SERINC5: variants seen among roughly 807,000 people sequenced by gnomAD.
The protein encoded by SERINC5 is chromosome 5 open reading frame 12.
Under a neutral mutation model 63.1 loss-of-function variants are expected in SERINC5, and 41 were observed. The ratio of observed to expected loss-of-function variants is 0.65; its 90% CI spans 0.51 to 0.84. The LOEUF (loss-of-function observed/expected upper bound fraction) is 0.84, where lower values mean the gene tolerates loss of function less well. Among genes scored for constraint, SERINC5 ranks in the 40% least tolerant of loss-of-function variants. The probability of loss-of-function intolerance (pLI) is 0.00; values close to 1 mark genes in which losing one functional copy is unlikely to be tolerated. For synonymous variants in SERINC5, 222 were observed against 215.2 expected (o/e 1.03, Z -0.28); for missense variants, 523 against 573.0 (o/e 0.91, Z 0.89).
rs75515134 is a variant in SERINC5 at position 80,151,089 on chromosome 5, T to C, written c.987-141A>G. On this transcript the variant is annotated intron_variant, in intron 8 of 11. Transcript: ENST00000507668. ...AGGAGACTTAAATCAAAGCAATCTA[T>C]TTTAATACCTCTCCTTATTCCAAAA... 9.9e-3 allele frequency: 6,591 copies of C among 668,960 alleles called. 55 individuals carry two copies. The highest frequency in any genetic ancestry group is 0.013 in the Non-Finnish European group (4,780 of 369,230). 41.4% of individuals were successfully genotyped at this position (668,960 alleles called of 1,614,324 possible). A position where few individuals can be genotyped will look rare whatever the true frequency, so the allele number is the denominator to read the frequency against.
chr5:80,152,324 A>T (rs1318417639), intron 8 of SERINC5, among the ~76,000 whole-genome samples: 3 of 152,032 alleles, frequency 2.0e-5, no homozygotes. Flanking sequence ...AACTTGGCAA[A>T]ACCCTGTCGC....
intron 1 of SERINC5, among the ~76,000 whole-genome samples, chr5:80,218,344 G>C (rs914495865): frequency 2.0e-5 from 3 of 152,078 alleles, no homozygotes; most frequent in Admixed American, 1.3e-4. Flanking sequence ...AGTTCTAGAC[G>C]AGCCTGACCA....
chr5:80,192,708 C>T (rs1749264093), intron 2 of SERINC5, among the ~76,000 whole-genome samples: 1 of 152,184 alleles, frequency 6.6e-6, no homozygotes, highest in African/African-American at 2.4e-5. Context: ...GAGACTGTCT[C>T]GCTGAAATTT....
chr5:80,123,609 G>C (rs1157308241), intron 11 of SERINC5, among the ~76,000 whole-genome samples: 1 of 152,202 alleles, frequency 6.6e-6, no homozygotes, highest in African/African-American at 2.4e-5. Flanking sequence ...TCTTTGAACA[G>C]AGATGATCCA....
In SERINC5 at chr5:80,141,170, C is replaced by G; in HGVS notation, c.*2493G>C. 1.0e-6 allele frequency: 1 copy of G among 985,376 alleles called. No homozygotes were observed. Among genetic ancestry groups the G allele is most frequent in the Non-Finnish European group, 1.2e-6 (1 of 829,894 alleles). 61.0% of individuals were successfully genotyped at this position (985,376 alleles called of 1,614,324 possible). On this transcript the variant is annotated 3_prime_UTR_variant, in exon 12 of 12. Transcript: ENST00000507668. ...ATACATCCACATCTGTTTTGTTCAT[C>G]CAGATACACGTGCTAACATTTTCAG...
chr5:80,223,503 G>A lies in SERINC5; in HGVS notation c.28-20450C>T, dbSNP rs952736110. Among the ~76,000 whole-genome samples the A allele has an allele frequency of 7.9e-5, 12 of 152,148 alleles. No individual in the cohort carries two copies. In the East Asian group the frequency reaches 2.3e-3, roughly 29 times the overall value. On this transcript the variant is annotated intron_variant, in intron 1 of 11. Coordinates refer to ENST00000507668, the MANE Select transcript of SERINC5 (RefSeq NM_001174072.3). ...GACACAGAATCCACGGATACAGAGGGCTGACTATATATATCATCATATTCT... is the reference window on the plus strand; with the variant it reads ...GACACAGAATCCACGGATACAGAGGACTGACTATATATATCATCATATTCT...
At chr5:80,195,931 G>A (rs536543989) in intron 2 of SERINC5, among the ~76,000 whole-genome samples, 7 of 152,258 alleles carry the variant, frequency 4.6e-5, no homozygotes, top group Admixed American at 1.3e-4. Context: ...CCTAACTAAC[G>A]GGCTAAGTTA....
At chr5:80,210,565 A>C (rs920472967) in intron 1 of SERINC5, among the ~76,000 whole-genome samples, 1 of 152,246 alleles carries the variant, frequency 6.6e-6, no homozygotes, top group African/African-American at 2.4e-5. Context: ...CAATACCTTC[A>C]TTACCTAGAA....
intron 1 of SERINC5, among the ~76,000 whole-genome samples, chr5:80,226,268 G>T (rs530205176): frequency 2.5e-4 from 38 of 152,196 alleles, no homozygotes; most frequent in African/African-American, 9.2e-4. Flanking sequence ...CATGTTACAG[G>T]CATGAGCCAC....
At chr5:80,206,995 C>CTATATATA (rs148319224) in intron 1 of SERINC5, among the ~76,000 whole-genome samples, 1 of 148,338 alleles carries the variant, frequency 6.7e-6, no homozygotes, top group African/African-American at 2.5e-5. Context: ...TAACTTCTCA[C>CTATATATA]TATATATATA....
intron 11 of SERINC5, among the ~76,000 whole-genome samples, chr5:80,130,710 A>T (rs1744912469): frequency 6.6e-6 from 1 of 152,206 alleles, no homozygotes; most frequent in Non-Finnish European, 1.5e-5. Context: ...AAAGTCCTTC[A>T]CAAGGCACTA....
intron 4 of SERINC5, among the ~76,000 whole-genome samples, chr5:80,176,844 G>A (rs550432290): frequency 2.0e-5 from 3 of 152,254 alleles, no homozygotes; most frequent in East Asian, 1.9e-4. Flanking sequence ...GAAAAAGGGC[G>A]CCCTGTTTCA....
Position 80,175,162 on chromosome 5 carries a change from A to C in SERINC5, c.458-115T>G, listed in dbSNP as rs377384165. The C allele has an allele frequency of 1.6e-4, 104 of 630,942 alleles. No individual in the cohort carries two copies. In the Middle Eastern group the frequency reaches 5.7e-3, roughly 34 times the overall value. The allele number at this position is 630,942 out of a possible 1,614,324, so 39.1% of individuals were successfully genotyped here. A position where few individuals can be genotyped will look rare whatever the true frequency, so the allele number is the denominator to read the frequency against. ...TCAGTGTACCTAACATATTTGTCAC[A>C]CAACCATATAAGATATGTATTACTA... On this transcript the variant is annotated intron_variant, in intron 4 of 11. Coordinates refer to ENST00000507668, the MANE Select transcript of SERINC5 (RefSeq NM_001174072.3).
In SERINC5 at chr5:80,256,026, T is replaced by A; in HGVS notation, c.-104A>T. On this transcript the variant is annotated 5_prime_UTR_variant, in exon 1 of 12. Transcript: ENST00000507668. Reference sequence around the variant, plus strand: ...GCTGGGCTCAGCCGCAGCTCACACTTGAACGAAGATCAGCCTCGGCGAAGC... The same window carrying A: ...GCTGGGCTCAGCCGCAGCTCACACTAGAACGAAGATCAGCCTCGGCGAAGC... 1 of 1,199,250 alleles carries A rather than the reference T, an allele frequency of 8.3e-7. No homozygotes were observed. The highest frequency in any genetic ancestry group is 1.1e-6 in the Non-Finnish European group (1 of 904,274). The allele number at this position is 1,199,250 out of a possible 1,614,324, so 74.3% of individuals were successfully genotyped here.
At chr5:80,191,109 C>CA (rs1174113042) in intron 2 of SERINC5, among the ~76,000 whole-genome samples, 1,661 of 138,296 alleles carry the variant, frequency 0.012, 8 homozygotes, top group Non-Finnish European at 0.014. Flanking sequence ...AAACAAAAAC[C>CA]AAAAAAAAAA....
intron 1 of SERINC5, among the ~76,000 whole-genome samples, chr5:80,238,769 A>C (rs577574078): frequency 1.4e-3 from 197 of 141,694 alleles, no homozygotes; most frequent in African/African-American, 5.2e-3. Flanking sequence ...AGCCTGAGCC[A>C]CAGAGCAAGA....
chr5:80,125,424 G>A (rs1024762182), intron 11 of SERINC5, among the ~76,000 whole-genome samples: 6 of 152,336 alleles, frequency 3.9e-5, no homozygotes, highest in African/African-American at 1.4e-4. Flanking sequence ...TAGGGAAAGA[G>A]AGAGTGTTTC....
intron 1 of SERINC5, among the ~76,000 whole-genome samples, chr5:80,220,285 T>C (rs1750845453): frequency 6.6e-6 from 1 of 151,390 alleles, no homozygotes; most frequent in Non-Finnish European, 1.5e-5. Context: ...CGGTGTTCCC[T>C]CTACTTTTTA....
In SERINC5 at chr5:80,178,014, A is replaced by G. The variant is rs182589262; in HGVS notation, c.246T>C (p.Cys82=). ...MCKGIKAGDT[C]EKLVGYSAVY... Reference sequence around the variant, plus strand: ...CGGCAGAATATCCCACCAGCTTCTCACAGGTGTCACCAGCTTTAATGCCTT... The same window carrying G: ...CGGCAGAATATCCCACCAGCTTCTCGCAGGTGTCACCAGCTTTAATGCCTT... Residue 82 remains cysteine (C), a synonymous_variant, in exon 3 of 12, where the codon TGT becomes TGC. Coordinates refer to ENST00000507668, the MANE Select transcript of SERINC5 (RefSeq NM_001174072.3). The G allele has an allele frequency of 1.5e-4, 240 of 1,611,102 alleles. 3 individuals are homozygous for G. The highest frequency in any genetic ancestry group is 1.2e-3 in the East Asian group (54 of 44,830).
Sources: allele counts gnomAD v4.1 joint callset (sites outside exome capture counted in the v4.1 genomes callset), GRCh38; gene constraint gnomAD v4.1.1; transcripts MANE v1.5; gene names NCBI Gene and HGNC (gene_info 2026-07-23, HGNC 2026-07-21).